Variants in SLC27A1 observed in about 807,000 individuals in gnomAD.
The protein encoded by SLC27A1 is long-chain fatty acid transport protein 1.
SLC27A1 carries 61 observed loss-of-function variants against 62.2 expected under a neutral mutation model. The observed-to-expected ratio is 0.98, with a 90% CI of 0.80 to 1.21. The LOEUF is 1.21. Among genes scored for constraint, SLC27A1 ranks in the 50% most tolerant of loss-of-function variants. SLC27A1 has a pLI of 0.00. For missense variants in SLC27A1, 903 were observed against 932.1 expected (o/e 0.97, Z 0.41); for synonymous variants, 435 against 408.6 (o/e 1.06, Z -0.78).
chr19:17,493,412 A>G (rs2075315419), intron 6 of SLC27A1, among the ~76,000 whole-genome samples: 1 of 124,492 alleles, frequency 8.0e-6, no homozygotes, highest in South Asian at 2.9e-4. Context: ...TGGGTGAGAG[A>G]GCACAACTCC....
At chr19:17,500,121 C>T (rs1042972758) in intron 7 of SLC27A1, among the ~76,000 whole-genome samples, 157 bp from the exon 8 acceptor site, 3 of 152,196 alleles carry the variant, frequency 2.0e-5, no homozygotes, top group Non-Finnish European at 1.5e-5. Flanking sequence ...TTGGAGGCGA[C>T]GCTTACTACC....
At position 17,500,345 on chromosome 19, in the gene SLC27A1, A is replaced by G. The variant is rs767251428; in HGVS notation, c.1274A>G (p.Asn425Ser). The change falls in exon 8 of 12, where the codon AAT (asparagine) becomes AGT (serine). Residue 425 changes from asparagine to serine, a missense_variant. By Grantham distance (46) the Asn-to-Ser change is conservative (BLOSUM62 1). Transcript: ENST00000252595. The stretch of plus-strand genomic sequence containing the variant: ...TACCCCATCCGGCTGGTGAAGGTCA[A>G]TGAGGACACAATGGAGCTGCTGCGG... ...HVYPIRLVKVNEDTMELLRDA... is the reference protein window; with the variant it reads ...HVYPIRLVKVSEDTMELLRDA... 1.2e-6 allele frequency: 2 copies of G among 1,614,186 alleles called. No homozygotes were observed. Among genetic ancestry groups the G allele is most frequent in the South Asian group, 1.1e-5 (1 of 91,090 alleles).
intron 1 of SLC27A1, among the ~76,000 whole-genome samples, chr19:17,472,636 C>T (rs1272846140): frequency 6.6e-6 from 1 of 152,014 alleles, no homozygotes; most frequent in Non-Finnish European, 1.5e-5. Flanking sequence ...AAGTGATTCT[C>T]CTGCGTCAGC....
At chr19:17,482,986 G>C (rs1424918717) in intron 1 of SLC27A1, among the ~76,000 whole-genome samples, 1 of 151,286 alleles carries the variant, frequency 6.6e-6, no homozygotes, top group Non-Finnish European at 1.5e-5. Flanking sequence ...GGGAATGAAT[G>C]AATGAGGGAA....
intron 1 of SLC27A1, among the ~76,000 whole-genome samples, chr19:17,485,498 CTTGTTTGT>C (rs148197572): frequency 0.34 from 50,438 of 149,584 alleles, 8,903 homozygotes; most frequent in African/African-American, 0.41. Context: ...TAAAGCATTT[CTTGTTTGT>C]TTGTTTGTTT....
At chr19:17,498,401 ATGGGGGC>A (rs1424019686) in intron 7 of SLC27A1, 3 of 153,256 alleles carry the variant, frequency 2.0e-5, no homozygotes, top group Admixed American at 6.6e-5. Flanking sequence ...AGCAAGTGCC[ATGGGGGC>A]TGGGTCCTTA....
intron 7 of SLC27A1, 189 bp from the exon 8 acceptor site, chr19:17,500,089 A>G: frequency 2.4e-6 from 2 of 817,112 alleles, no homozygotes; most frequent in Non-Finnish European, 3.7e-6. Flanking sequence ...CAGGCTGGGA[A>G]GGTGGGAGGA....
At chr19:17,476,142 C>T (rs932754949) in intron 1 of SLC27A1, among the ~76,000 whole-genome samples, 6 of 152,264 alleles carry the variant, frequency 3.9e-5, no homozygotes, top group South Asian at 2.1e-4. Context: ...AATAACAGCC[C>T]TCTCCCCATG....
rs1010376371 is a variant in SLC27A1 at position 17,470,622 on chromosome 19, G to A, written c.82G>A (p.Ala28Thr). The change falls in exon 1 of 12, where the codon GCG (alanine) becomes ACG (threonine). Residue 28 changes from alanine to threonine, a missense_variant. Coordinates refer to ENST00000252595, the MANE Select transcript of SLC27A1 (RefSeq NM_198580.3). The stretch of plus-strand genomic sequence containing the variant: ...GCTGGGGCTGCCGTGGACCTGGAGC[G>A]CGGCAGCGGCGCTCGGCGTGTACGT... ...WLLGLPWTWS[A>T]AAALGVYVGS... The A allele has an allele frequency of 6.4e-7, 1 of 1,571,258 alleles. No individual in the cohort carries two copies. The highest frequency in any genetic ancestry group is 8.6e-7 in the Non-Finnish European group (1 of 1,166,136).
intron 11 of SLC27A1, among the ~76,000 whole-genome samples, chr19:17,502,344 G>GTTTTTTT (rs1231886797): frequency 6.8e-3 from 107 of 15,670 alleles, no homozygotes; most frequent in Admixed American, 0.011. Flanking sequence ...TGTTTTTTTT[G>GTTTTTTT]TTTTTTTTTT....
At chr19:17,488,252 G>C (rs929011921) in intron 4 of SLC27A1, among the ~76,000 whole-genome samples, 1 of 152,194 alleles carries the variant, frequency 6.6e-6, no homozygotes, top group Admixed American at 6.5e-5. Flanking sequence ...CCAGCTACTC[G>C]GGAGGCTGAG....
intron 2 of SLC27A1, 74 bp from the exon 3 acceptor site, chr19:17,487,100 G>T: frequency 6.2e-7 from 1 of 1,603,048 alleles, no homozygotes. Context: ...CCCCGGGCAG[G>T]GAGTTGGTGC....
At position 17,488,908 on chromosome 19, in the gene SLC27A1, C is replaced by G. The variant is rs766113714; in HGVS notation, c.855C>G (p.Leu285=). The stretch of plus-strand genomic sequence containing the variant: ...ACCGCATGCAGGCGGCTGACGTGCT[C>G]TATGACTGCCTGCCCCTGTACCACT... ...HAYRMQAADV[L]YDCLPLYHSA... is the part of the protein sequence containing the mutation. The change falls in exon 5 of 12, where the codon CTC becomes CTG. Residue 285 remains leucine (L), a synonymous_variant. Coordinates refer to ENST00000252595, the MANE Select transcript of SLC27A1 (RefSeq NM_198580.3). 7 of 1,614,130 alleles carry G rather than the reference C, an allele frequency of 4.3e-6. No individual in the cohort carries two copies. In the South Asian group the frequency reaches 5.5e-5, roughly 13 times the overall value.
intron 1 of SLC27A1, among the ~76,000 whole-genome samples, chr19:17,478,466 C>CAAAAA (rs869214050): frequency 2.1e-5 from 1 of 48,382 alleles, no homozygotes; most frequent in Non-Finnish European, 3.9e-5. Flanking sequence ...GACTCCGTCT[C>CAAAAA]AAAAAAAAAA....
chr19:17,491,885 AAAAAGAAAAG>A (rs754465920), intron 6 of SLC27A1, among the ~76,000 whole-genome samples: 1 of 151,520 alleles, frequency 6.6e-6, no homozygotes, highest in African/African-American at 2.4e-5. Context: ...AAAAAATAAA[AAAAAGAAAAG>A]AAAAGAAAAG....
In SLC27A1 at chr19:17,504,736, C is replaced by T; in HGVS notation, c.*124C>T. 1 of 1,279,276 alleles carries T rather than the reference C, an allele frequency of 7.8e-7. No individual in the cohort carries two copies. The allele number at this position is 1,279,276 out of a possible 1,614,324, so 79.2% of individuals were successfully genotyped here. A position where few individuals can be genotyped will look rare whatever the true frequency, so the allele number is the denominator to read the frequency against. On this transcript the variant is annotated 3_prime_UTR_variant, in exon 12 of 12. Transcript: ENST00000252595. ...CTGGCCGAGCTGTACCTGGCACGGC[C>T]CATCCTGGACTGAGAAACTGGAACC... is the stretch of plus-strand genomic sequence containing the variant.
intron 1 of SLC27A1, among the ~76,000 whole-genome samples, chr19:17,471,435 G>C (rs1223586557): frequency 6.6e-6 from 1 of 151,892 alleles, no homozygotes; most frequent in Non-Finnish European, 1.5e-5. Flanking sequence ...ATTCATGCTA[G>C]GGGGGCAGAT....
At chr19:17,493,427 C>CAAAAAAA (rs769247313) in intron 6 of SLC27A1, among the ~76,000 whole-genome samples, 11 of 71,970 alleles carry the variant, frequency 1.5e-4, no homozygotes, top group African/African-American at 1.9e-4. Context: ...AACTCCATCT[C>CAAAAAAA]AAAAAAAAAA....
chr19:17,488,455 C>T (rs2075259879), intron 4 of SLC27A1, among the ~76,000 whole-genome samples: 1 of 152,178 alleles, frequency 6.6e-6, no homozygotes, highest in Admixed American at 6.5e-5. Context: ...CCCGTACTCA[C>T]TCCTCCTCAG....
Sources: gnomAD v4.1 joint callset for allele counts (sites outside exome capture counted in the v4.1 genomes callset) on GRCh38, gnomAD v4.1.1 for gene constraint, MANE v1.5 for transcripts, NCBI Gene and HGNC (gene_info 2026-07-23, HGNC 2026-07-21) for gene names.